RBM6: variants seen among roughly 807,000 people sequenced by gnomAD.
RBM6 encodes RNA binding motif protein 6, also known as RNA-binding protein 6.
In RBM6, 23 loss-of-function variants were observed where a neutral mutation model predicts 140.4. That is an observed-to-expected ratio of 0.16 (90% CI 0.12 to 0.23). The LOEUF (loss-of-function observed/expected upper bound fraction) is 0.23, where lower values mean the gene tolerates loss of function less well. RBM6 is among the 10% of genes least tolerant of loss of function. RBM6 has a pLI of 1.00. For synonymous variants in RBM6, 439 were observed against 475.6 expected, an observed-to-expected ratio of 0.92 and a Z score of 1.00; for missense variants, 1,139 against 1,386.7, an observed-to-expected ratio of 0.82 and a Z score of 2.84.
chr3:49,959,358 T>C (rs1472844206), intron 1 of RBM6, among the ~76,000 whole-genome samples: 1 of 143,304 alleles, frequency 7.0e-6, no homozygotes, highest in African/African-American at 2.6e-5. Flanking sequence ...CTGGCTAATT[T>C]TTTTTTTTTT....
chr3:50,006,584 G>T (rs542994752), intron 6 of RBM6, among the ~76,000 whole-genome samples: 110 of 152,182 alleles, frequency 7.2e-4, no homozygotes, highest in African/African-American at 2.5e-3. Context: ...GTGTTTTAAC[G>T]TACTCTCACA....
intron 11 of RBM6, among the ~76,000 whole-genome samples, chr3:50,060,006 G>A (rs2089871859): frequency 1.3e-5 from 2 of 152,134 alleles, no homozygotes; most frequent in Admixed American, 1.3e-4. Context: ...GCCTGGCGTG[G>A]TAGCACATAT....
intron 7 of RBM6, among the ~76,000 whole-genome samples, chr3:50,051,672 T>C (rs1209007447): frequency 2.0e-5 from 3 of 152,190 alleles, no homozygotes; most frequent in Non-Finnish European, 4.4e-5. Context: ...TTAAGTTTAT[T>C]ATGTACCTAT....
rs369598411 is a variant in RBM6 at position 50,022,391 on chromosome 3, T to C, written c.1557+22878T>C. On this transcript the variant is annotated intron_variant, in intron 6 of 20. Coordinates refer to ENST00000266022, the MANE Select transcript of RBM6 (RefSeq NM_005777.3). ...TGTTGCCCAGGCTAGAGTGCAATGG[T>C]GCGATCTCAGCTCACCAAAACCTCT... Among the ~76,000 whole-genome samples the C allele has an allele frequency of 1.2e-4, 18 of 152,018 alleles. No homozygotes were observed. In the East Asian group the frequency reaches 2.3e-3, roughly 20 times the overall value.
At chr3:50,043,161 G>T (rs2089021582) in intron 6 of RBM6, among the ~76,000 whole-genome samples, 1 of 152,138 alleles carries the variant, frequency 6.6e-6, no homozygotes, top group African/African-American at 2.4e-5. Context: ...GAGAAAGGAG[G>T]AGATGTCTTT....
intron 5 of RBM6, among the ~76,000 whole-genome samples, chr3:49,994,870 A>G (rs974602384): frequency 6.6e-6 from 1 of 152,180 alleles, no homozygotes; most frequent in Non-Finnish European, 1.5e-5. Flanking sequence ...CTTGATGGGA[A>G]ATTCAGCTGG....
At chr3:50,062,221 T>C (rs1263348648) in intron 15 of RBM6, 113 bp downstream of exon 15, 10 of 1,306,160 alleles carry the variant, frequency 7.7e-6, no homozygotes, top group African/African-American at 1.5e-5. Flanking sequence ...AAATACTCTG[T>C]CAGCCGGGCG....
intron 6 of RBM6, among the ~76,000 whole-genome samples, chr3:50,009,647 C>T (rs1161872587): frequency 6.6e-6 from 1 of 152,110 alleles, no homozygotes; most frequent in Non-Finnish European, 1.5e-5. Context: ...GCCTCAACCT[C>T]CTGGGTTCAA....
intron 6 of RBM6, among the ~76,000 whole-genome samples, chr3:50,000,346 CTT>C (rs780436283): frequency 3.2e-4 from 35 of 110,094 alleles, no homozygotes; most frequent in Non-Finnish European, 3.9e-4. Flanking sequence ...TTTTTTTTTT[CTT>C]TTTTTTTTTT....
At chr3:49,999,414 C>T (rs761508462) in intron 5 of RBM6, 26 bp from the exon 6 acceptor site, 17 of 1,592,552 alleles carry the variant, frequency 1.1e-5, no homozygotes, top group Admixed American at 1.7e-5. Flanking sequence ...ACACCACTCC[C>T]GTCTGTATTT....
At chr3:49,974,130 G>A (rs987358148) in intron 4 of RBM6, among the ~76,000 whole-genome samples, 5 of 151,058 alleles carry the variant, frequency 3.3e-5, no homozygotes, top group South Asian at 4.2e-4. Flanking sequence ...ATCCCCTGAC[G>A]TCATGATCCG....
intron 6 of RBM6, among the ~76,000 whole-genome samples, chr3:50,035,760 A>T (rs911055605): frequency 7.3e-5 from 11 of 151,578 alleles, no homozygotes; most frequent in Non-Finnish European, 1.0e-4. Context: ...GATTTTATTT[A>T]AAAAAATTTT....
At chr3:50,011,919 A>G (rs1253302430) in intron 6 of RBM6, among the ~76,000 whole-genome samples, 2 of 149,652 alleles carry the variant, frequency 1.3e-5, no homozygotes, top group African/African-American at 2.5e-5. Flanking sequence ...TGGCATGACC[A>G]TGGCTCACTG....
At chr3:49,985,574 A>T (rs951056835) in intron 5 of RBM6, among the ~76,000 whole-genome samples, 1 of 152,150 alleles carries the variant, frequency 6.6e-6, no homozygotes, top group African/African-American at 2.4e-5. Flanking sequence ...ACTGAATTGT[A>T]TGTATTCACT....
At chr3:50,044,664 C>G (rs886631169) in intron 6 of RBM6, among the ~76,000 whole-genome samples, 1 of 151,926 alleles carries the variant, frequency 6.6e-6, no homozygotes, top group Non-Finnish European at 1.5e-5. Flanking sequence ...CTACAGGATA[C>G]TTTCCTAGGA....
intron 6 of RBM6, among the ~76,000 whole-genome samples, chr3:50,001,132 A>T (rs2086308567): frequency 1.3e-5 from 2 of 152,320 alleles, no homozygotes; most frequent in East Asian, 1.9e-4. Flanking sequence ...TGCTGATTGG[A>T]CATATTCAGG....
intron 8 of RBM6, 33 bp downstream of exon 8, chr3:50,054,428 C>T (rs1290921972): frequency 2.6e-6 from 4 of 1,542,302 alleles, no homozygotes; most frequent in African/African-American, 2.7e-5. Flanking sequence ...GTTTTTATCT[C>T]GTGCATTGAG....
At chr3:50,043,715 C>G (rs2089061053) in intron 6 of RBM6, among the ~76,000 whole-genome samples, 1 of 151,146 alleles carries the variant, frequency 6.6e-6, no homozygotes, top group African/African-American at 2.4e-5. Context: ...TCCCGAGTAG[C>G]TGGGATTACA....
At position 50,046,579 on chromosome 3, in the gene RBM6, CAG is replaced by C. The variant is rs532261873; in HGVS notation, c.1558-1665_1558-1664del. 2.7e-4 allele frequency among the ~76,000 whole-genome samples: 38 copies of C among 141,528 alleles called. 1 individual carries two copies. The South Asian group carries it at 8.2e-3, about 31-fold the overall frequency. 92.8% of individuals were successfully genotyped at this position (141,528 alleles called of 152,430 possible). A position where few individuals can be genotyped will look rare whatever the true frequency, so the allele number is the denominator to read the frequency against. On this transcript the variant is annotated intron_variant, in intron 6 of 20. Transcript: ENST00000266022. ...GGGCAACAAGAGCGAAACTCTGTCT[CAG>C]GGAAAAAAAAAAAAAAAAAAGGAGG... is the stretch of plus-strand genomic sequence containing the variant.
Sources: gnomAD v4.1 joint callset for allele counts (sites outside exome capture counted in the v4.1 genomes callset) on GRCh38, gnomAD v4.1.1 for gene constraint, MANE v1.5 for transcripts, NCBI Gene and HGNC (gene_info 2026-07-23, HGNC 2026-07-21) for gene names.